Variants in MED13L observed in about 807,000 individuals in gnomAD.
MED13L encodes mediator complex subunit 13L.
MED13L carries 7 observed loss-of-function variants against 220.9 expected under a neutral mutation model. The ratio of observed to expected loss-of-function variants is 0.03; its 90% CI spans 0.02 to 0.06. The LOEUF (loss-of-function observed/expected upper bound fraction) is 0.06. Among genes scored for constraint, MED13L ranks in the 10% least tolerant of loss-of-function variants. MED13L has a pLI of 1.00. For missense variants in MED13L, 1,965 were observed against 2,760.5 expected (o/e 0.71, Z 6.46); for synonymous variants, 1,011 against 1,015.2 (o/e 1.00, Z 0.08).
intron 4 of MED13L, among the ~76,000 whole-genome samples, chr12:116,061,664 A>C (rs1869499475): frequency 6.6e-6 from 1 of 152,196 alleles, no homozygotes; most frequent in Non-Finnish European, 1.5e-5. Context: ...GTTTGGGAAT[A>C]GATTTTAAAT....
intron 2 of MED13L, among the ~76,000 whole-genome samples, chr12:116,137,706 A>T (rs1281685975): frequency 3.3e-5 from 5 of 152,172 alleles, no homozygotes; most frequent in African/African-American, 9.7e-5. Context: ...GACTGCACCC[A>T]GCGTTATTTT....
At chr12:116,000,482 G>A (rs17426239) in intron 14 of MED13L, among the ~76,000 whole-genome samples, 19,194 of 152,108 alleles carry the variant, frequency 0.13, 1,540 homozygotes, top group South Asian at 0.17. Context: ...GCACAGGATG[G>A]AAGACCTCCA....
intron 4 of MED13L, among the ~76,000 whole-genome samples, chr12:116,095,468 T>C (rs1294677911): frequency 2.0e-5 from 3 of 152,194 alleles, no homozygotes; most frequent in African/African-American, 7.2e-5. Flanking sequence ...TCCACAACCA[T>C]TTCATTAAAG....
At chr12:116,077,782 C>T (rs530751293) in intron 4 of MED13L, among the ~76,000 whole-genome samples, 22 of 152,098 alleles carry the variant, frequency 1.4e-4, no homozygotes, top group Non-Finnish European at 1.6e-4. Context: ...ATTTTCAATT[C>T]CAAATAACTT....
At position 116,165,259 on chromosome 12, in the gene MED13L, C is replaced by CTTTT. The variant is rs34196219; in HGVS notation, c.311-53751_311-53748dup. Among the ~76,000 whole-genome samples the CTTTT allele has an allele frequency of 1.5e-3, 113 of 74,492 alleles. 9 individuals are homozygous for CTTTT. Among genetic ancestry groups the CTTTT allele is most frequent in the African/African-American group, 6.3e-3 (106 of 16,944 alleles). 48.9% of individuals were successfully genotyped at this position (74,492 alleles called of 152,430 possible). On this transcript the variant is annotated intron_variant, in intron 2 of 30. Transcript: ENST00000281928. ...TTAAGGCAATGAAGTAGGCACCATC[C>CTTTT]TTTTTTTTTTTTTTTTTTTTTTTTT...
intron 2 of MED13L, among the ~76,000 whole-genome samples, chr12:116,142,964 T>C (rs1183485405): frequency 6.6e-6 from 1 of 152,212 alleles, no homozygotes; most frequent in Non-Finnish European, 1.5e-5. Context: ...CAAAACTGAC[T>C]TTTGTTTTAT....
At chr12:116,102,722 T>C (rs1338023393) in intron 3 of MED13L, among the ~76,000 whole-genome samples, 7 of 94,422 alleles carry the variant, frequency 7.4e-5, no homozygotes, top group South Asian at 8.7e-4. Flanking sequence ...TTTTTTTTTT[T>C]TTTTTTTTTT....
At chr12:116,046,443 T>C (rs1566028791) in intron 4 of MED13L, among the ~76,000 whole-genome samples, 1 of 152,184 alleles carries the variant, frequency 6.6e-6, no homozygotes, top group Non-Finnish European at 1.5e-5. Context: ...AAAAGAAATG[T>C]TGGATATTTA....
chr12:116,113,118 A>C (rs922274003), intron 2 of MED13L, among the ~76,000 whole-genome samples: 1 of 152,224 alleles, frequency 6.6e-6, no homozygotes, highest in Non-Finnish European at 1.5e-5. Flanking sequence ...TTAGTTAAAA[A>C]TTCCTAACTA....
intron 8 of MED13L, among the ~76,000 whole-genome samples, chr12:116,013,688 T>A (rs1879554725): frequency 6.6e-6 from 1 of 152,256 alleles, no homozygotes. Flanking sequence ...ATATCACTGA[T>A]AATTGGTAGC....
At chr12:116,276,442 C>T in intron 1 of MED13L, 1 of 1,288,714 alleles carries the variant, frequency 7.8e-7, no homozygotes, top group Non-Finnish European at 1.0e-6. Context: ...TCCGTCGGCT[C>T]GGTGCAATGG....
chr12:116,161,447 A>G (rs1214745725), intron 2 of MED13L, among the ~76,000 whole-genome samples: 1 of 152,150 alleles, frequency 6.6e-6, no homozygotes, highest in African/African-American at 2.4e-5. Flanking sequence ...TTAAATTAAC[A>G]TGACCTCCCG....
Position 115,983,512 on chromosome 12 carries a change from A to G in MED13L, c.4560T>C (p.Asp1520=). 1 of 1,614,142 alleles carries G rather than the reference A, an allele frequency of 6.2e-7. No individual in the cohort carries two copies. The highest frequency in any genetic ancestry group is 1.1e-5 in the South Asian group (1 of 91,080). Residue 1520 remains aspartate, a synonymous_variant, in exon 21 of 31, where the codon GAT becomes GAC. Transcript: ENST00000281928. ...ATTTAGGTGGTATCAATAGGCTGCT[A>G]TCAAGCTGCAGAGTGGCTAAATAAG... The part of the protein sequence containing the change: ...LAPYLATLQL[D]SSLLIPPKYQ...
In MED13L at chr12:116,203,365, G is replaced by C. The variant is rs1011556640; in HGVS notation, c.310+34103C>G. Among the ~76,000 whole-genome samples, 2 of 151,158 alleles carry C rather than the reference G, an allele frequency of 1.3e-5. 1 individual carries two copies. The highest frequency in any genetic ancestry group is 1.3e-4 in the Admixed American group (2 of 15,206). On this transcript the variant is annotated intron_variant, in intron 2 of 30. Transcript: ENST00000281928. ...GTTTATTTTTCTCTACTTGATGCTA[G>C]AAACAGTAACTTTTCTGAAGCTTTT...
chr12:116,105,810 T>C (rs1873520810), intron 3 of MED13L, among the ~76,000 whole-genome samples: 1 of 152,208 alleles, frequency 6.6e-6, no homozygotes, highest in Admixed American at 6.5e-5. Context: ...CCTGTCCCAC[T>C]GATATCAAGC....
chr12:116,020,837 T>G (rs1393199278), intron 5 of MED13L, among the ~76,000 whole-genome samples: 18 of 152,190 alleles, frequency 1.2e-4, no homozygotes, highest in Non-Finnish European at 4.4e-5. Context: ...TAATTCTAAT[T>G]TTTAACAAAA....
chr12:115,990,676 A>G (rs1343055543), intron 17 of MED13L, among the ~76,000 whole-genome samples: 3 of 152,192 alleles, frequency 2.0e-5, no homozygotes, highest in African/African-American at 7.2e-5. Flanking sequence ...GATCTGGAAG[A>G]ATGGTGGATT....
At chr12:116,192,904 G>A (rs1286700871) in intron 2 of MED13L, among the ~76,000 whole-genome samples, 6 of 152,204 alleles carry the variant, frequency 3.9e-5, no homozygotes, top group Admixed American at 2.0e-4. Context: ...AGGCTGAGGC[G>A]GGCAGATCAC....
chr12:116,133,837 G>A (rs1480424740), intron 2 of MED13L, among the ~76,000 whole-genome samples: 1 of 152,166 alleles, frequency 6.6e-6, no homozygotes, highest in Non-Finnish European at 1.5e-5. Flanking sequence ...CTGCTGTGAG[G>A]AAACCTAGTC....
Sources: gnomAD v4.1 joint callset for allele counts (sites outside exome capture counted in the v4.1 genomes callset) on GRCh38, gnomAD v4.1.1 for gene constraint, MANE v1.5 for transcripts, NCBI Gene and HGNC (gene_info 2026-07-23, HGNC 2026-07-21) for gene names.